The following OXNAD1 variants were observed in gnomAD, a reference collection of about 807,000 sequenced individuals.
The protein encoded by OXNAD1 is oxidoreductase NAD-binding domain-containing protein 1.
Under a neutral mutation model 32.9 loss-of-function variants are expected in OXNAD1, and 34 were observed. The ratio of observed to expected loss-of-function variants is 1.03; its 90% CI spans 0.79 to 1.38. The LOEUF (loss-of-function observed/expected upper bound fraction) is 1.38, where lower values mean the gene tolerates loss of function less well. OXNAD1 is among the 40% of genes most tolerant of loss of function. The pLI, the probability that OXNAD1 is intolerant of heterozygous loss-of-function variation, is 0.00. For missense variants in OXNAD1, 407 were observed against 379.4 expected (o/e 1.07, Z -0.60); for synonymous variants, 134 against 135.2 (o/e 0.99, Z 0.06).
intron 9 of OXNAD1, among the ~76,000 whole-genome samples, chr3:16,313,047 CCATCT>C (rs1187882255): frequency 9.2e-5 from 13 of 141,264 alleles, no homozygotes; most frequent in African/African-American, 3.9e-4. Flanking sequence ...ATGTCAAGAT[CCATCT>C]TTTTTTTTTT....
chr3:16,279,197 C>T (rs1287026546), intron 4 of OXNAD1, among the ~76,000 whole-genome samples: 1 of 152,208 alleles, frequency 6.6e-6, no homozygotes, highest in East Asian at 1.9e-4. Flanking sequence ...GGAGAGAAAC[C>T]TCAGGCACTC....
chr3:16,301,420 A>G lies in OXNAD1; in HGVS notation c.433-206A>G, dbSNP rs539421639. 7.2e-5 allele frequency among the ~76,000 whole-genome samples: 11 copies of G among 152,344 alleles called. No homozygotes were observed. In the South Asian group the frequency reaches 2.3e-3, roughly 32 times the overall value. On this transcript the variant is annotated intron_variant, in intron 6 of 8. Coordinates refer to ENST00000285083, the MANE Select transcript of OXNAD1 (RefSeq NM_138381.5). This position sits in a 1 kb window ranked among gnomAD's most constrained non-coding sequence, Gnocchi z 4.1. ...CTCAGTATTGGAATGGCTGTTCATT[A>G]TGGATTACGAAGGTGGATTAGCCTG...
At chr3:16,331,230 A>G (rs1232036423) in intron 9 of OXNAD1, among the ~76,000 whole-genome samples, 2 of 152,190 alleles carry the variant, frequency 1.3e-5, no homozygotes, top group Admixed American at 6.5e-5. Flanking sequence ...TAAAATTGCT[A>G]CCAAAACACT....
intron 9 of OXNAD1, among the ~76,000 whole-genome samples, chr3:16,325,416 T>C (rs1292995026): frequency 6.6e-6 from 1 of 152,228 alleles, no homozygotes; most frequent in Non-Finnish European, 1.5e-5. Flanking sequence ...GAGACCTGTC[T>C]GTAGCCCCTG....
chr3:16,284,679 G>T lies in OXNAD1; in HGVS notation c.184-1663G>T, dbSNP rs557873715. Among the ~76,000 whole-genome samples the T allele has an allele frequency of 3.8e-4, 58 of 152,150 alleles. No homozygotes were observed. Among genetic ancestry groups the T allele is most frequent in the Non-Finnish European group, 7.9e-4 (54 of 68,030 alleles). On this transcript the variant is annotated intron_variant, in intron 4 of 8. Transcript: ENST00000285083. The surrounding 1 kb of genome is among the most constrained non-coding windows in gnomAD (Gnocchi z 4.1). The stretch of plus-strand genomic sequence containing the variant: ...GGCCAGCAGCATTGTAAGTACTTTT[G>T]TCAGTATTATCTCATTTAATCCTCC...
rs578085541 is a variant in OXNAD1, at chr3:16,334,069, G to T, written c.*31-3043G>T. ...AGTCCCAGCTACTTGGGAGGCTGAG[G>T]CAGGAGAATGGCTTGAACCTAGGAG... On this transcript the variant is annotated intron_variant, in intron 9 of 9. Coordinates refer to the OXNAD1 transcript ENST00000435829. This position sits in a 1 kb window ranked among gnomAD's most constrained non-coding sequence, Gnocchi z 4.3. 2.0e-5 allele frequency among the ~76,000 whole-genome samples: 3 copies of T among 152,212 alleles called. No homozygotes were observed.
intron 4 of OXNAD1, chr3:16,276,475 C>T (rs1404763189): frequency 5.4e-6 from 1 of 185,232 alleles, no homozygotes; most frequent in Non-Finnish European, 1.1e-5. Flanking sequence ...ATGGTCACTA[C>T]ATAGTAACTG....
downstream of OXNAD1, among the ~76,000 whole-genome samples, chr3:16,352,046 G>A (rs2072139449): frequency 1.3e-5 from 2 of 152,188 alleles, no homozygotes; most frequent in Admixed American, 6.5e-5. This position sits in a 1 kb window ranked among gnomAD's most constrained non-coding sequence, Gnocchi z 4.6. Context: ...ACTGGCAAAT[G>A]GACATGTATT....
rs1190629067 is a variant in OXNAD1, at chr3:16,280,803, CT to C, written c.184-5535del. On this transcript the variant is annotated intron_variant, in intron 4 of 8. Coordinates refer to ENST00000285083, the MANE Select transcript of OXNAD1 (RefSeq NM_138381.5). This position sits in a 1 kb window ranked among gnomAD's most constrained non-coding sequence, Gnocchi z 4.5. The stretch of plus-strand genomic sequence containing the variant: ...TTTTAAACAAGTGTGATGGAATTTC[CT>C]TTTAGATGCTGACTCTGCCTCAGCA... 6.6e-6 allele frequency among the ~76,000 whole-genome samples: 1 copy of C among 152,152 alleles called. No individual in the cohort carries two copies. Among genetic ancestry groups the C allele is most frequent in the African/African-American group, 2.4e-5 (1 of 41,426 alleles).
At position 16,320,647 on chromosome 3, in the gene OXNAD1, T is replaced by C. The variant is rs2068942875; in HGVS notation, c.*31-16465T>C. Among the ~76,000 whole-genome samples the C allele has an allele frequency of 6.6e-6, 1 of 152,152 alleles. No homozygotes were observed. The highest frequency in any genetic ancestry group is 1.5e-5 in the Non-Finnish European group (1 of 68,028). Reference sequence around the variant, plus strand: ...GGTAGTACAAAGGAGTCTGGTTTGGTATAAAAGGAGACAGCACTGTTCTGA... The same window carrying C: ...GGTAGTACAAAGGAGTCTGGTTTGGCATAAAAGGAGACAGCACTGTTCTGA... On this transcript the variant is annotated intron_variant, in intron 9 of 9. Coordinates refer to the OXNAD1 transcript ENST00000435829. This position sits in a 1 kb window ranked among gnomAD's most constrained non-coding sequence, Gnocchi z 4.5.
In OXNAD1 at chr3:16,316,844, G is replaced by C; in HGVS notation, c.*30+13252G>C. 6.2e-7 allele frequency: 1 copy of C among 1,613,984 alleles called. No individual in the cohort carries two copies. Among genetic ancestry groups the C allele is most frequent in the Non-Finnish European group, 8.5e-7 (1 of 1,180,008 alleles). ...GCCCAAGACTCAGTTTTCTTCAACC[G>C]TACCAAGCTCTCTGACTTCCTCAGC... On this transcript the variant is annotated intron_variant, in intron 9 of 9. Transcript: ENST00000435829. The surrounding 1 kb of genome is among the most constrained non-coding windows in gnomAD (Gnocchi z 4.5).
At position 16,301,834 on chromosome 3, in the gene OXNAD1, A is replaced by G. The variant is rs373226126; in HGVS notation, c.641A>G (p.Tyr214Cys). 8.7e-6 allele frequency: 14 copies of G among 1,613,972 alleles called. No homozygotes were observed. Among genetic ancestry groups the G allele is most frequent in the Non-Finnish European group, 1.2e-5 (14 of 1,179,950 alleles). The part of the protein sequence containing the change: ...GYEIGTIKLF[Y>C]SAKNTSELLF... ...GAGATAGGAACAATAAAACTATTCT[A>G]CAGTGCAAAAAATACCAGCGAACTC... Residue 214 changes from tyrosine (Y) to cysteine (C), a missense_variant, in exon 7 of 9, where the codon TAC becomes TGC. By Grantham distance (194) the Tyr-to-Cys change is radical. Transcript: ENST00000285083. The surrounding 1 kb of genome is among the most constrained non-coding windows in gnomAD (Gnocchi z 4.1).
At position 16,348,558 on chromosome 3, in the gene OXNAD1, C is replaced by T. The variant is rs1305773996; in HGVS notation, c.*31-618C>T. On this transcript the variant is annotated intron_variant, in intron 9 of 9. Transcript: ENST00000606098. This position sits in a 1 kb window ranked among gnomAD's most constrained non-coding sequence, Gnocchi z 6.3. The stretch of plus-strand genomic sequence containing the variant: ...TCTCTCCCAGGGCACTTCTGGTCAG[C>T]AGGGCACAATTAGCCTTGAATGCCT... 6.6e-6 allele frequency among the ~76,000 whole-genome samples: 1 copy of T among 152,114 alleles called. No individual in the cohort carries two copies. Among genetic ancestry groups the T allele is most frequent in the African/African-American group, 2.4e-5 (1 of 41,410 alleles).
rs2070752439 is a variant in OXNAD1, at chr3:16,335,458, G to A, written c.*31-1654G>A. Among the ~76,000 whole-genome samples, 1 of 152,240 alleles carries A rather than the reference G, an allele frequency of 6.6e-6. No homozygotes were observed. Among genetic ancestry groups the A allele is most frequent in the Non-Finnish European group, 1.5e-5 (1 of 68,050 alleles). ...TAAAAAGGAACGAATCACGTCCTTT[G>A]TGGGGACATGGATGGAGCTGGAAGC... On this transcript the variant is annotated intron_variant, in intron 9 of 9. Coordinates refer to the OXNAD1 transcript ENST00000435829. The surrounding 1 kb of genome is among the most constrained non-coding windows in gnomAD (Gnocchi z 4.7).
intron 1 of OXNAD1, among the ~76,000 whole-genome samples, chr3:16,268,707 T>A (rs2064726263): frequency 6.6e-6 from 1 of 152,202 alleles, no homozygotes; most frequent in African/African-American, 2.4e-5. Flanking sequence ...AATCATTAAA[T>A]GATGTATCCT....
At chr3:16,275,917 T>A (rs2065285193) in intron 4 of OXNAD1, 1 of 152,892 alleles carries the variant, frequency 6.5e-6, no homozygotes, top group Non-Finnish European at 1.5e-5. Flanking sequence ...GTAATAGTTG[T>A]AAAATTTAGA....
In OXNAD1 at chr3:16,297,675, A is replaced by T. The variant is rs149249746; in HGVS notation, c.432+2678A>T. On this transcript the variant is annotated intron_variant, in intron 6 of 8. Transcript: ENST00000285083. This position sits in a 1 kb window ranked among gnomAD's most constrained non-coding sequence, Gnocchi z 4.3. ...TATTAAAGAGATGAATTATTGATGC[A>T]TGCAGCAATGTGGGTGAATCTCAGA... Among the ~76,000 whole-genome samples the T allele has an allele frequency of 1.5e-3, 222 of 152,352 alleles. No homozygotes were observed. Among genetic ancestry groups the T allele is most frequent in the Admixed American group, 2.2e-3 (33 of 15,304 alleles).
chr3:16,343,624 T>C (rs1387891775), intron 9 of OXNAD1, among the ~76,000 whole-genome samples: 1 of 152,230 alleles, frequency 6.6e-6, no homozygotes, highest in Non-Finnish European at 1.5e-5. Context: ...CAGGGAGAAG[T>C]CCTTCATGCA....
chr3:16,317,157 C>T lies in OXNAD1; in HGVS notation c.*30+13565C>T. ...TCATTTTCTTCTGCTTGTTGTTTGT[C>T]TCTGGCACTGAGTTTACCTTTTGAT... On this transcript the variant is annotated intron_variant, in intron 9 of 9. Transcript: ENST00000435829. The surrounding 1 kb of genome is among the most constrained non-coding windows in gnomAD (Gnocchi z 4.3). 1 of 1,613,704 alleles carries T rather than the reference C, an allele frequency of 6.2e-7. No homozygotes were observed. The highest frequency in any genetic ancestry group is 8.5e-7 in the Non-Finnish European group (1 of 1,179,994).
Sources: allele counts gnomAD v4.1 joint callset (sites outside exome capture counted in the v4.1 genomes callset), GRCh38; gene constraint gnomAD v4.1.1; non-coding constraint Gnocchi (gnomAD v3.1); transcripts MANE v1.5; gene names NCBI Gene and HGNC (gene_info 2026-07-23, HGNC 2026-07-21).